The following RIMBP2 variants were observed in gnomAD, a reference collection of about 807,000 sequenced individuals.
RIMBP2 encodes RIMS binding protein 2.
A neutral mutation model predicts 118.6 loss-of-function variants in RIMBP2; 48 were observed. The ratio of observed to expected loss-of-function variants is 0.40; its 90% CI spans 0.32 to 0.51. The LOEUF is 0.51. Among genes scored for constraint, RIMBP2 ranks in the 20% least tolerant of loss-of-function variants. The probability of loss-of-function intolerance (pLI) is 0.41; values close to 1 mark genes in which losing one functional copy is unlikely to be tolerated. For synonymous variants in RIMBP2, 762 were observed against 742.9 expected (o/e 1.03, Z -0.42); for missense variants, 1,551 against 1,768.3 (o/e 0.88, Z 2.20).
At chr12:130,546,355 G>T (rs1449750961) in intron 2 of RIMBP2, among the ~76,000 whole-genome samples, 2 of 152,158 alleles carry the variant, frequency 1.3e-5, no homozygotes, top group Non-Finnish European at 1.5e-5. Flanking sequence ...GAGTGCAGTG[G>T]TGTGATCTCG....
chr12:130,462,375 G>A (rs934791682), intron 6 of RIMBP2, among the ~76,000 whole-genome samples: 7 of 152,174 alleles, frequency 4.6e-5, no homozygotes, highest in African/African-American at 1.2e-4. Context: ...CAGGAAGGCC[G>A]CGCTGCCGCA....
Position 130,703,559 on chromosome 12 carries a change from G to C in RIMBP2, c.-352+12663C>G, listed in dbSNP as rs907152542. On this transcript the variant is annotated intron_variant, in intron 1 of 22. Transcript: ENST00000690449. The surrounding 1 kb of genome is among the most constrained non-coding windows in gnomAD (Gnocchi z 5.7). Reference sequence around the variant, plus strand: ...AGGGCTGAGCCGCAGTCTGAGGGCCGGGCCCTGGCATGGGCTCCATCAGAT... The same window carrying C: ...AGGGCTGAGCCGCAGTCTGAGGGCCCGGCCCTGGCATGGGCTCCATCAGAT... Among the ~76,000 whole-genome samples the C allele has an allele frequency of 5.9e-5, 9 of 152,168 alleles. No individual in the cohort carries two copies. Among genetic ancestry groups the C allele is most frequent in the African/African-American group, 2.2e-4 (9 of 41,448 alleles).
At chr12:130,608,671 T>C (rs1353666335) in intron 2 of RIMBP2, among the ~76,000 whole-genome samples, 1 of 152,234 alleles carries the variant, frequency 6.6e-6, no homozygotes, top group Admixed American at 6.5e-5. Context: ...CACTCCTCTT[T>C]AGGACTCTGA....
intron 5 of RIMBP2, among the ~76,000 whole-genome samples, chr12:130,472,512 C>A (rs573984261): frequency 9.8e-5 from 15 of 152,312 alleles, no homozygotes; most frequent in African/African-American, 3.4e-4. Flanking sequence ...GCTCTTAAAA[C>A]GTGGAACACT....
intron 4 of RIMBP2, among the ~76,000 whole-genome samples, chr12:130,496,464 G>A (rs1280592922): frequency 1.3e-5 from 2 of 152,096 alleles, no homozygotes; most frequent in East Asian, 3.9e-4. Context: ...CCATCTCACT[G>A]TCCTCACTCC....
intron 2 of RIMBP2, among the ~76,000 whole-genome samples, chr12:130,526,233 G>A (rs919375435): frequency 3.3e-5 from 5 of 152,064 alleles, no homozygotes; most frequent in African/African-American, 9.7e-5. Context: ...GAACAATTTT[G>A]TACCCTATTC....
chr12:130,634,595 C>A (rs1298319354), intron 1 of RIMBP2, among the ~76,000 whole-genome samples: 1 of 149,034 alleles, frequency 6.7e-6, no homozygotes, highest in African/African-American at 2.5e-5. Flanking sequence ...TTAAAGATGA[C>A]TTTTTTTTTT....
At chr12:130,580,302 G>A (rs1405678129) in intron 2 of RIMBP2, among the ~76,000 whole-genome samples, 3 of 152,218 alleles carry the variant, frequency 2.0e-5, no homozygotes, top group Non-Finnish European at 4.4e-5. Context: ...GCGGGGCCAG[G>A]TGGAGATGAT....
chr12:130,534,178 AAAAAG>A (rs1485047603), intron 2 of RIMBP2, among the ~76,000 whole-genome samples: 4 of 118,562 alleles, frequency 3.4e-5, no homozygotes, highest in African/African-American at 7.2e-5. Context: ...AAAAAAAAAA[AAAAAG>A]AGAGAGAGAG....
chr12:130,417,793 T>C (rs2076186452), intron 17 of RIMBP2, among the ~76,000 whole-genome samples: 1 of 152,232 alleles, frequency 6.6e-6, no homozygotes, highest in African/African-American at 2.4e-5. Flanking sequence ...CATATGCATA[T>C]ATATACATGT....
intron 4 of RIMBP2, among the ~76,000 whole-genome samples, chr12:130,480,051 G>T (rs1001368147): frequency 6.6e-6 from 1 of 152,074 alleles, no homozygotes; most frequent in Admixed American, 6.5e-5. Flanking sequence ...CATGGGAAAT[G>T]ACATTGGGTA....
intron 1 of RIMBP2, among the ~76,000 whole-genome samples, chr12:130,645,093 CT>C (rs61370338): frequency 0.014 from 2,021 of 143,486 alleles, 32 homozygotes; most frequent in African/African-American, 0.036. Context: ...CAAATCAGAA[CT>C]TTTTTTTTTT....
At chr12:130,559,097 A>G (rs181674379) in intron 2 of RIMBP2, among the ~76,000 whole-genome samples, 1 of 152,000 alleles carries the variant, frequency 6.6e-6, no homozygotes, top group African/African-American at 2.4e-5. Context: ...ATGTTCTGAT[A>G]TATGTTTATG....
At chr12:130,456,440 C>T (rs550198053) in intron 7 of RIMBP2, 56 bp downstream of exon 7, 8 of 1,471,636 alleles carry the variant, frequency 5.4e-6, no homozygotes, top group Non-Finnish European at 7.4e-6. Flanking sequence ...CCCTCGCAGG[C>T]AGCCAACGGC....
chr12:130,522,595 G>A (rs1045557066), intron 2 of RIMBP2, among the ~76,000 whole-genome samples: 9 of 152,204 alleles, frequency 5.9e-5, no homozygotes, highest in Admixed American at 2.6e-4. Context: ...GGCGGAATTC[G>A]ACTTCAAGGC....
intron 4 of RIMBP2, among the ~76,000 whole-genome samples, chr12:130,480,236 C>CACACA (rs57955292): frequency 2.0e-5 from 3 of 148,882 alleles, no homozygotes; most frequent in Non-Finnish European, 3.0e-5. Flanking sequence ...CACACACACA[C>CACACA]CTGTGGTAAC....
chr12:130,560,769 C>A (rs1328722635), intron 2 of RIMBP2, among the ~76,000 whole-genome samples: 2 of 152,216 alleles, frequency 1.3e-5, no homozygotes, highest in Admixed American at 1.3e-4. Flanking sequence ...CAAAATATCT[C>A]ATCGTGGCCT....
In RIMBP2 at chr12:130,581,199, G is replaced by A. The variant is rs1009322178; in HGVS notation, c.-217+47123C>T. 6.6e-6 allele frequency among the ~76,000 whole-genome samples: 1 copy of A among 152,106 alleles called. No homozygotes were observed. The highest frequency in any genetic ancestry group is 2.4e-5 in the African/African-American group (1 of 41,402). On this transcript the variant is annotated intron_variant, in intron 2 of 22. Transcript: ENST00000690449. This position sits in a 1 kb window ranked among gnomAD's most constrained non-coding sequence, Gnocchi z 4.4. The stretch of plus-strand genomic sequence containing the variant: ...AAAAGAGACTAGCTCAAGGGTGGCA[G>A]CCTCTGGGTCATCAACTGAAATGCC...
chr12:130,653,384 T>C (rs2063303877), intron 1 of RIMBP2, among the ~76,000 whole-genome samples: 1 of 152,224 alleles, frequency 6.6e-6, no homozygotes, highest in South Asian at 2.1e-4. Flanking sequence ...AAATAATCCT[T>C]GACTCCGTGC....
Sources: allele counts gnomAD v4.1 joint callset (sites outside exome capture counted in the v4.1 genomes callset), GRCh38; gene constraint gnomAD v4.1.1; non-coding constraint Gnocchi (gnomAD v3.1); transcripts MANE v1.5; gene names NCBI Gene and HGNC (gene_info 2026-07-23, HGNC 2026-07-21).